Variants in SETBP1 observed in about 807,000 individuals in gnomAD.
SETBP1 encodes the protein SET binding protein 1, also known as SET-binding protein.
A neutral mutation model predicts 101.0 loss-of-function variants in SETBP1; 9 were observed. That is an observed-to-expected ratio of 0.09 (90% CI 0.05 to 0.16). The LOEUF (loss-of-function observed/expected upper bound fraction) is 0.16. Among genes scored for constraint, SETBP1 ranks in the 10% least tolerant of loss-of-function variants. The pLI, the probability that SETBP1 is intolerant of heterozygous loss-of-function variation, is 1.00. For missense variants in SETBP1, 1,858 were observed against 2,033.8 expected (o/e 0.91, Z 1.66); for synonymous variants, 818 against 788.5 (o/e 1.04, Z -0.63).
chr18:45,068,241 G>C lies in SETBP1; in HGVS notation c.*4543G>C, dbSNP rs2073994461. On this transcript the variant is annotated 3_prime_UTR_variant, in exon 6 of 6. Coordinates refer to ENST00000649279, the MANE Select transcript of SETBP1 (RefSeq NM_015559.3). ...TGTTTGAAATGTTCTTTTTGTAACAGTTTTTATTCATAAAGCATTTTTGTA... is the reference window on the plus strand; with the variant it reads ...TGTTTGAAATGTTCTTTTTGTAACACTTTTTATTCATAAAGCATTTTTGTA... 6.6e-6 allele frequency: 1 copy of C among 152,092 alleles called. No homozygotes were observed. Among genetic ancestry groups the C allele is most frequent in the African/African-American group, 2.4e-5 (1 of 41,416 alleles). The allele number at this position is 152,092 out of a possible 1,614,324, so 9.4% of individuals were successfully genotyped here.
chr18:44,909,143 A>T (rs1289433471), intron 3 of SETBP1, among the ~76,000 whole-genome samples: 2 of 152,184 alleles, frequency 1.3e-5, no homozygotes, highest in Non-Finnish European at 2.9e-5. Context: ...TACTCTCAGA[A>T]AGGTGAGAAG....
intron 5 of SETBP1, among the ~76,000 whole-genome samples, chr18:45,059,952 A>T (rs1414747535): frequency 6.6e-6 from 1 of 152,202 alleles, no homozygotes; most frequent in East Asian, 1.9e-4. Flanking sequence ...AAACCTCCAC[A>T]ACTGGACTCT....
At chr18:44,988,793 A>G (rs1229015182) in intron 4 of SETBP1, 2 of 152,230 alleles carry the variant, frequency 1.3e-5, no homozygotes, top group African/African-American at 4.8e-5. Flanking sequence ...AGTCTTCACT[A>G]TAGTTGCAGG....
chr18:44,833,044 T>A (rs1369652543), intron 2 of SETBP1, among the ~76,000 whole-genome samples: 1 of 152,180 alleles, frequency 6.6e-6, no homozygotes, highest in African/African-American at 2.4e-5. Context: ...ATGGAAAGTG[T>A]CTGCTCTGAT....
intron 2 of SETBP1, among the ~76,000 whole-genome samples, chr18:44,778,556 C>T (rs952848195): frequency 6.6e-6 from 1 of 152,180 alleles, no homozygotes; most frequent in African/African-American, 2.4e-5. Context: ...AACAAAAAGC[C>T]TCTGTTCTAC....
At chr18:45,042,146 CTTTTT>C (rs556269689) in intron 5 of SETBP1, among the ~76,000 whole-genome samples, 1 of 82,690 alleles carries the variant, frequency 1.2e-5, no homozygotes, top group Admixed American at 1.5e-4. Context: ...CTTGAAACTG[CTTTTT>C]TTTTTTTTTT....
Position 44,701,331 on chromosome 18 carries a change from G to A in SETBP1, c.-16G>A. ...CTTCCCCCTCCTGAGAACTCCGGAA[G>A]ACTGTAGAGATTGTCATGGAGTCCA... On this transcript the variant is annotated 5_prime_UTR_variant, in exon 2 of 6. Coordinates refer to ENST00000649279, the MANE Select transcript of SETBP1 (RefSeq NM_015559.3). 2 of 1,470,912 alleles carry A rather than the reference G, an allele frequency of 1.4e-6. No individual in the cohort carries two copies. Among genetic ancestry groups the A allele is most frequent in the South Asian group, 1.4e-5 (1 of 69,548 alleles). The allele number at this position is 1,470,912 out of a possible 1,614,324, so 91.1% of individuals were successfully genotyped here. A position where few individuals can be genotyped will look rare whatever the true frequency, so the allele number is the denominator to read the frequency against.
At chr18:44,734,936 A>G (rs1457956484) in intron 2 of SETBP1, among the ~76,000 whole-genome samples, 2 of 152,234 alleles carry the variant, frequency 1.3e-5, no homozygotes, top group East Asian at 3.8e-4. Context: ...TTGACTCTAT[A>G]TGATTAAGTT....
rs559907073 is a variant in SETBP1 at position 44,929,481 on chromosome 18, G to C, written c.541-20400G>C. Among the ~76,000 whole-genome samples, 765 of 152,250 alleles carry C rather than the reference G, an allele frequency of 5.0e-3. 2 individuals carry two copies. Among genetic ancestry groups the C allele is most frequent in the African/African-American group, 0.017 (706 of 41,524 alleles). On this transcript the variant is annotated intron_variant, in intron 3 of 5. Coordinates refer to ENST00000649279, the MANE Select transcript of SETBP1 (RefSeq NM_015559.3). ...TTCCAATTCTGTGAAGAAAGTCATT[G>C]GTAGCTTGATGAGGATGGCATTGAA...
intron 5 of SETBP1, among the ~76,000 whole-genome samples, chr18:45,055,571 G>A (rs1002787586): frequency 2.0e-5 from 3 of 151,706 alleles, no homozygotes; most frequent in African/African-American, 7.3e-5. Flanking sequence ...TTTTTTTTAA[G>A]CACTTGTGAT....
At chr18:44,703,479 G>C (rs746665987) in intron 2 of SETBP1, among the ~76,000 whole-genome samples, 5 of 147,122 alleles carry the variant, frequency 3.4e-5, no homozygotes, top group Non-Finnish European at 7.4e-5. Flanking sequence ...CTTATACCGG[G>C]TGTTGTGGCT....
At chr18:44,819,952 T>C (rs895997941) in intron 2 of SETBP1, among the ~76,000 whole-genome samples, 4 of 151,948 alleles carry the variant, frequency 2.6e-5, no homozygotes, top group African/African-American at 9.7e-5. Context: ...GATCATTCTT[T>C]ACAAAAAAAA....
At chr18:44,869,209 A>C (rs976118157) in intron 2 of SETBP1, 21 bp from the exon 3 acceptor site, 3 of 1,613,262 alleles carry the variant, frequency 1.9e-6, no homozygotes, top group Admixed American at 3.3e-5. Context: ...TCACTGAGAA[A>C]ATTTCTTTAT....
At chr18:44,772,193 G>A (rs2070889341) in intron 2 of SETBP1, among the ~76,000 whole-genome samples, 1 of 152,134 alleles carries the variant, frequency 6.6e-6, no homozygotes, top group Non-Finnish European at 1.5e-5. Flanking sequence ...GACTCTCCTG[G>A]GCTTGGATTG....
rs200002988 is a variant in SETBP1 at position 45,063,146 on chromosome 18, G to A, written c.4239G>A (p.Lys1413=). 4 of 1,614,012 alleles carry A rather than the reference G, an allele frequency of 2.5e-6. No homozygotes were observed. In the African/African-American group the frequency reaches 5.3e-5, roughly 22 times the overall value. ...EIEAIQCEVR[K]MCNYTKILST... is the part of the protein sequence containing the mutation. ...AAGCCATCCAGTGCGAAGTGCGGAA[G>A]ATGTGCAACTACACCAAGATCCTGT... The change falls in exon 6 of 6, where the codon AAG becomes AAA. Residue 1413 remains lysine (K), a synonymous_variant. Transcript: ENST00000649279.
At chr18:44,856,475 A>G (rs565725110) in intron 2 of SETBP1, among the ~76,000 whole-genome samples, 1 of 152,132 alleles carries the variant, frequency 6.6e-6, no homozygotes, top group Admixed American at 6.5e-5. Context: ...TGTTGTTGGG[A>G]TGATTATGTG....
chr18:44,872,392 G>GT (rs905187531), intron 3 of SETBP1, among the ~76,000 whole-genome samples: 93 of 150,522 alleles, frequency 6.2e-4, no homozygotes, highest in African/African-American at 1.5e-3. Flanking sequence ...ACACACATCT[G>GT]TTTTTTTTTA....
intron 4 of SETBP1, among the ~76,000 whole-genome samples, chr18:45,005,381 C>G (rs936711214): frequency 3.3e-5 from 5 of 152,158 alleles, no homozygotes; most frequent in African/African-American, 9.6e-5. Flanking sequence ...TAGGATGATG[C>G]CTGTAATAGG....
At chr18:44,825,446 A>G (rs1398279655) in intron 2 of SETBP1, among the ~76,000 whole-genome samples, 1 of 152,234 alleles carries the variant, frequency 6.6e-6, no homozygotes, top group Non-Finnish European at 1.5e-5. Flanking sequence ...CAATTTTTCT[A>G]AAAGTATCTT....
Sources: allele counts gnomAD v4.1 joint callset (sites outside exome capture counted in the v4.1 genomes callset), GRCh38; gene constraint gnomAD v4.1.1; transcripts MANE v1.5; gene names NCBI Gene and HGNC (gene_info 2026-07-23, HGNC 2026-07-21).